The following DCTN6 variants were observed in gnomAD, a reference collection of about 807,000 sequenced individuals.
DCTN6 encodes the protein dynactin subunit 6.
A neutral mutation model predicts 25.8 loss-of-function variants in DCTN6; 15 were observed. The ratio of observed to expected loss-of-function variants is 0.58; its 90% CI spans 0.39 to 0.89. DCTN6 has a LOEUF of 0.89. Among genes scored for constraint, DCTN6 ranks in the 40% least tolerant of loss-of-function variants. The pLI is 0.00. For missense variants in DCTN6, 198 were observed against 237.6 expected (o/e 0.83, Z 1.09); for synonymous variants, 64 against 78.3 (o/e 0.82, Z 0.96).
intron 3 of DCTN6, chr8:30,176,810 CACAAAAAT>C: frequency 4.3e-6 from 1 of 231,828 alleles, no homozygotes; most frequent in South Asian, 5.5e-5. Context: ...ACCCCATCTC[CACAAAAAT>C]ACAAAAATTA....
intron 2 of DCTN6, among the ~76,000 whole-genome samples, chr8:30,166,659 G>A (rs1315985885): frequency 6.6e-6 from 1 of 152,126 alleles, no homozygotes; most frequent in Non-Finnish European, 1.5e-5. Flanking sequence ...GTGATTGGTG[G>A]ACCACTGCCT....
chr8:30,181,744 G>T (rs1407277190), intron 6 of DCTN6, among the ~76,000 whole-genome samples: 1 of 151,866 alleles, frequency 6.6e-6, no homozygotes, highest in Non-Finnish European at 1.5e-5. Flanking sequence ...AAAATAATTA[G>T]TTGGGCATGG....
At chr8:30,169,449 A>G (rs1183764843) in intron 2 of DCTN6, among the ~76,000 whole-genome samples, 1 of 152,210 alleles carries the variant, frequency 6.6e-6, no homozygotes, top group African/African-American at 2.4e-5. Flanking sequence ...CCAGCCAACC[A>G]TTTAGAAAAA....
chr8:30,160,891 C>A (rs1255172743), intron 1 of DCTN6, among the ~76,000 whole-genome samples: 3 of 152,160 alleles, frequency 2.0e-5, no homozygotes, highest in African/African-American at 7.2e-5. Flanking sequence ...ATGGGAAATA[C>A]CTACCTTCAA....
intron 3 of DCTN6, among the ~76,000 whole-genome samples, chr8:30,176,209 G>A (rs1803829273): frequency 6.6e-6 from 1 of 152,168 alleles, no homozygotes; most frequent in Admixed American, 6.5e-5. Flanking sequence ...CTTTGTCCTG[G>A]AGAAGACCCA....
Position 30,183,069 on chromosome 8 carries a change from T to G in DCTN6, c.475-6T>G. The stretch of plus-strand genomic sequence containing the variant: ...CCAATCGGCCTTAATTACCTTATCT[T>G]TTTAGCCCCAGACACTACAGCTGGA... On this transcript the variant is annotated splice_polypyrimidine_tract_variant and splice_region_variant and intron_variant, in intron 6 of 6. Transcript: ENST00000221114. 2 of 1,613,786 alleles carry G rather than the reference T, an allele frequency of 1.2e-6. No homozygotes were observed. Among genetic ancestry groups the G allele is most frequent in the African/African-American group, 2.7e-5 (2 of 75,010 alleles).
intron 4 of DCTN6, among the ~76,000 whole-genome samples, chr8:30,178,289 C>A (rs964830244): frequency 4.0e-5 from 6 of 151,884 alleles, no homozygotes; most frequent in African/African-American, 1.5e-4. Flanking sequence ...CGTGGAGAAA[C>A]CCCGTCTCTA....
intron 1 of DCTN6, among the ~76,000 whole-genome samples, chr8:30,157,992 G>A (rs895880050): frequency 2.4e-4 from 36 of 152,166 alleles, no homozygotes; most frequent in African/African-American, 8.7e-4. Context: ...CAGATCTGAG[G>A]TTAAGTCTTG....
chr8:30,175,837 T>TG (rs1377090608), intron 3 of DCTN6, among the ~76,000 whole-genome samples: 1 of 152,198 alleles, frequency 6.6e-6, no homozygotes, highest in Non-Finnish European at 1.5e-5. Context: ...CAACCATGTA[T>TG]GGAATTTGTA....
chr8:30,182,972 C>T (rs1803930038), intron 6 of DCTN6, 103 bp from the exon 7 acceptor site: 3 of 888,496 alleles, frequency 3.4e-6, no homozygotes, highest in South Asian at 1.5e-5. Flanking sequence ...TCTGGGCCTC[C>T]CAAAGTGCTG....
chr8:30,169,491 C>G (rs1232807394), intron 2 of DCTN6, among the ~76,000 whole-genome samples: 1 of 152,174 alleles, frequency 6.6e-6, no homozygotes, highest in Admixed American at 6.5e-5. Context: ...AGTTCCAACT[C>G]TAGACACATT....
chr8:30,169,280 C>CA (rs926050701), intron 2 of DCTN6, among the ~76,000 whole-genome samples: 4 of 151,146 alleles, frequency 2.6e-5, no homozygotes, highest in Admixed American at 6.6e-5. Context: ...GTTTAGTTGT[C>CA]AAAAAAACAG....
intron 2 of DCTN6, among the ~76,000 whole-genome samples, chr8:30,171,804 C>T (rs1471346295): frequency 6.6e-6 from 1 of 152,128 alleles, no homozygotes; most frequent in Admixed American, 6.5e-5. Flanking sequence ...TTTTTAAGAA[C>T]CATGGTCCAG....
At chr8:30,156,979 C>T (rs1321174582) in intron 1 of DCTN6, among the ~76,000 whole-genome samples, 1 of 152,166 alleles carries the variant, frequency 6.6e-6, no homozygotes, top group Non-Finnish European at 1.5e-5. Context: ...GGAGTACTTG[C>T]GCAGATTTGT....
chr8:30,164,977 G>A (rs1439120169), intron 2 of DCTN6, among the ~76,000 whole-genome samples: 1 of 152,224 alleles, frequency 6.6e-6, no homozygotes, highest in Non-Finnish European at 1.5e-5. Context: ...GAGTTTGGGA[G>A]TTGTAGTCTT....
chr8:30,157,211 T>C (rs1803537927), intron 1 of DCTN6, among the ~76,000 whole-genome samples: 1 of 152,226 alleles, frequency 6.6e-6, no homozygotes, highest in Non-Finnish European at 1.5e-5. Context: ...TATTTCTGAG[T>C]TATCGCGTAA....
chr8:30,166,651 G>T (rs1177432013), intron 2 of DCTN6, among the ~76,000 whole-genome samples: 1 of 152,152 alleles, frequency 6.6e-6, no homozygotes, highest in Non-Finnish European at 1.5e-5. Context: ...AGCTGCCAGT[G>T]ATTGGTGGAC....
intron 6 of DCTN6, among the ~76,000 whole-genome samples, chr8:30,181,730 A>T (rs534117220): frequency 6.6e-6 from 1 of 152,278 alleles, no homozygotes. Flanking sequence ...TCTACAAAAA[A>T]TAAAAAATAA....
At chr8:30,162,278 G>A (rs1803608161) in intron 1 of DCTN6, among the ~76,000 whole-genome samples, 1 of 151,356 alleles carries the variant, frequency 6.6e-6, no homozygotes. Flanking sequence ...GTAGAGACGG[G>A]GTTTTGCCAT....
Sources: allele counts gnomAD v4.1 joint callset (sites outside exome capture counted in the v4.1 genomes callset), GRCh38; gene constraint gnomAD v4.1.1; transcripts MANE v1.5; gene names NCBI Gene and HGNC (gene_info 2026-07-23, HGNC 2026-07-21).